ZNF684: variants seen among roughly 807,000 people sequenced by gnomAD.
ZNF684 encodes the protein zinc finger protein 684.
ZNF684 carries 13 observed loss-of-function variants against 12.8 expected under a neutral mutation model. The ratio of observed to expected loss-of-function variants is 1.02; its 90% CI spans 0.66 to 1.62. ZNF684 has a LOEUF of 1.62. ZNF684 is among the 40% of genes most tolerant of loss of function. ZNF684 has a pLI of 0.00. For missense variants in ZNF684, 384 were observed against 446.9 expected (o/e 0.86, Z 1.27); for synonymous variants, 118 against 151.8 (o/e 0.78, Z 1.64).
At chr1:40,533,823 CTTTT>C (rs574077502) in intron 2 of ZNF684, among the ~76,000 whole-genome samples, 1 of 123,916 alleles carries the variant, frequency 8.1e-6, no homozygotes. Context: ...GTTAGGTATT[CTTTT>C]TTTTTTTTTT....
intron 2 of ZNF684, among the ~76,000 whole-genome samples, chr1:40,538,286 C>G (rs893252530): frequency 6.6e-6 from 1 of 152,168 alleles, no homozygotes; most frequent in Non-Finnish European, 1.5e-5. Context: ...AGGCATGACA[C>G]CTGGCCCCAT....
At chr1:40,541,731 T>A (rs41268073) in intron 4 of ZNF684, 21 bp downstream of exon 4, 270,642 of 1,594,956 alleles carry the variant, frequency 0.17, 24,062 homozygotes, top group Middle Eastern at 0.25. Flanking sequence ...GAAATTCAGA[T>A]GGGGCTGTGT....
In ZNF684 at chr1:40,547,401, T is replaced by A. The variant is rs139813674; in HGVS notation, c.1078T>A (p.Cys360Ser). The A allele has an allele frequency of 3.5e-3, 5,629 of 1,613,034 alleles. 15 individuals are homozygous for A. The highest frequency in any genetic ancestry group is 4.2e-3 in the Non-Finnish European group (4,991 of 1,179,302). Residue 360 changes from cysteine to serine, a missense_variant, in exon 5 of 5, where the codon TGT becomes AGT. Cys to Ser is a moderately radical substitution (Grantham distance 112). Coordinates refer to ENST00000372699, the MANE Select transcript of ZNF684 (RefSeq NM_152373.4). ...AGAGAAGCCCTATGAATGTAACAGA[T>A]GTGGGAAAGCATTTTCCCAGAAGTC... ...TGEKPYECNR[C>S]GKAFSQKSNL...
chr1:40,538,139 A>G (rs55825383), intron 2 of ZNF684, among the ~76,000 whole-genome samples: 1 of 152,024 alleles, frequency 6.6e-6, no homozygotes, highest in East Asian at 1.9e-4. Context: ...CTACAGGTCC[A>G]TGCCACCATA....
At chr1:40,546,402 TTCC>T (rs1231557710) in intron 4 of ZNF684, among the ~76,000 whole-genome samples, 157 bp from the exon 5 acceptor site, 2 of 152,244 alleles carry the variant, frequency 1.3e-5, no homozygotes. Flanking sequence ...TCTGCTCCCA[TTCC>T]CTCTTCAGCA....
chr1:40,546,054 C>T (rs1476102569), intron 4 of ZNF684, among the ~76,000 whole-genome samples: 1 of 151,348 alleles, frequency 6.6e-6, no homozygotes, highest in East Asian at 1.9e-4. Flanking sequence ...TCCTGAGTAG[C>T]TGGGACTACA....
rs1390121566 is a variant in ZNF684 at position 40,546,782 on chromosome 1, T to C, written c.459T>C (p.Tyr153=). ...ACTTACTTAAATATAATAGAAGTTA[T>C]ACTGTAGAAAACGCTTATGAATGCA... ...NLDLLKYNRS[Y]TVENAYECSE... is the part of the protein sequence containing the mutation. The change falls in exon 5 of 5, where the codon TAT becomes TAC. Residue 153 remains tyrosine, a synonymous_variant. Coordinates refer to ENST00000372699, the MANE Select transcript of ZNF684 (RefSeq NM_152373.4). 1.2e-6 allele frequency: 2 copies of C among 1,612,150 alleles called. No homozygotes were observed. Among genetic ancestry groups the C allele is most frequent in the East Asian group, 2.2e-5 (1 of 44,870 alleles).
chr1:40,533,187 G>A lies in ZNF684; in HGVS notation c.15+6G>A, dbSNP rs918810891. ...AGAAAATGATCAGCTTCCAGGTAAG[G>A]TATCCATCTATTCATCCAGTTGTTT... On this transcript the variant is annotated splice_donor_region_variant and intron_variant, in intron 2 of 4. Transcript: ENST00000372699. 2 of 1,613,166 alleles carry A rather than the reference G, an allele frequency of 1.2e-6. No homozygotes were observed. Among genetic ancestry groups the A allele is most frequent in the African/African-American group, 2.7e-5 (2 of 74,876 alleles).
Position 40,547,520 on chromosome 1 carries a change from T to C in ZNF684, c.*60T>C. ...ATATTTGCTAAATCTTATTAAATAC[T>C]AAAGAATTCATGGTGAGAAGTCTAC... is the stretch of plus-strand genomic sequence containing the variant. On this transcript the variant is annotated 3_prime_UTR_variant, in exon 5 of 5. Transcript: ENST00000372699. 7.2e-7 allele frequency: 1 copy of C among 1,397,046 alleles called. No individual in the cohort carries two copies. Among genetic ancestry groups the C allele is most frequent in the Admixed American group, 2.6e-5 (1 of 38,586 alleles). The allele number at this position is 1,397,046 out of a possible 1,614,324, so 86.5% of individuals were successfully genotyped here.
chr1:40,535,229 C>A (rs918091808), intron 2 of ZNF684, among the ~76,000 whole-genome samples: 1 of 152,180 alleles, frequency 6.6e-6, no homozygotes, highest in Admixed American at 6.6e-5. Context: ...CCTGTGGTAT[C>A]CATGGGAGAC....
In ZNF684 at chr1:40,537,961, A is replaced by G. The variant is rs139031309; in HGVS notation, c.16-2625A>G. Reference sequence around the variant, plus strand: ...CTTCTGAACATTTCATACAAATGGAACCATGAAATATGTAATCTTTCATGA... The same window carrying G: ...CTTCTGAACATTTCATACAAATGGAGCCATGAAATATGTAATCTTTCATGA... On this transcript the variant is annotated intron_variant, in intron 2 of 4. Coordinates refer to ENST00000372699, the MANE Select transcript of ZNF684 (RefSeq NM_152373.4). Among the ~76,000 whole-genome samples the G allele has an allele frequency of 2.4e-3, 366 of 152,260 alleles. 2 individuals carry two copies. Among genetic ancestry groups the G allele is most frequent in the African/African-American group, 8.2e-3 (341 of 41,552 alleles).
rs764458582 is a variant in ZNF684, at chr1:40,547,489, T to C, written c.*29T>C. ...TCACTTTATGAATATGAGAAGGCCT[T>C]ATTAAATATTTGCTAAATCTTATTA... On this transcript the variant is annotated 3_prime_UTR_variant, in exon 5 of 5. Transcript: ENST00000372699. 18 of 1,528,788 alleles carry C rather than the reference T, an allele frequency of 1.2e-5. No individual in the cohort carries two copies. Among genetic ancestry groups the C allele is most frequent in the Non-Finnish European group, 1.4e-5 (16 of 1,137,406 alleles). 94.7% of individuals were successfully genotyped at this position (1,528,788 alleles called of 1,614,324 possible).
Position 40,531,803 on chromosome 1 carries a change from A to C in ZNF684, c.-25+16A>C, listed in dbSNP as rs945434017. 3.3e-5 allele frequency: 5 copies of C among 152,168 alleles called. No homozygotes were observed. The highest frequency in any genetic ancestry group is 1.2e-4 in the African/African-American group (5 of 41,398). 9.4% of individuals were successfully genotyped at this position (152,168 alleles called of 1,614,324 possible). A position where few individuals can be genotyped will look rare whatever the true frequency, so the allele number is the denominator to read the frequency against. On this transcript the variant is annotated intron_variant, in intron 1 of 4. Transcript: ENST00000372699. ...AGGGTGGCAGGTATGGCTTTGCTGGACTCGGAGGACGTAAGAGAAAGGCGG... is the reference window on the plus strand; with the variant it reads ...AGGGTGGCAGGTATGGCTTTGCTGGCCTCGGAGGACGTAAGAGAAAGGCGG...
chr1:40,540,175 G>A (rs1646006724), intron 2 of ZNF684, among the ~76,000 whole-genome samples: 1 of 151,978 alleles, frequency 6.6e-6, no homozygotes, highest in African/African-American at 2.4e-5. Flanking sequence ...ACAAATCACT[G>A]CCTAATCCAA....
chr1:40,540,735 T>TTTCAGTGTAA, intron 3 of ZNF684, 23 bp downstream of exon 3: 1 of 1,574,926 alleles, frequency 6.3e-7, no homozygotes, highest in African/African-American at 1.4e-5. Flanking sequence ...AGTGGTAACT[T>TTTCAGTGTAA]TTCAGTGTAA....
intron 4 of ZNF684, chr1:40,544,411 G>A (rs761993133): frequency 5.7e-5 from 24 of 421,324 alleles, no homozygotes; most frequent in African/African-American, 8.4e-5. Flanking sequence ...TCGCTCTGTC[G>A]CCAGGCTGGA....
rs756405967 is a variant in ZNF684, at chr1:40,533,183, T to A, written c.15+2T>A. ...CTGCAGAAAATGATCAGCTTCCAGG[T>A]AAGGTATCCATCTATTCATCCAGTT... On this transcript the variant is annotated splice_donor_variant, in intron 2 of 4. Coordinates refer to ENST00000372699, the MANE Select transcript of ZNF684 (RefSeq NM_152373.4). LOFTEE classifies it high-confidence loss of function. The A allele has an allele frequency of 6.2e-7, 1 of 1,613,468 alleles. No individual in the cohort carries two copies. Among genetic ancestry groups the A allele is most frequent in the African/African-American group, 1.3e-5 (1 of 74,936 alleles).
chr1:40,533,270 C>A, intron 2 of ZNF684, 89 bp downstream of exon 2: 1 of 1,312,066 alleles, frequency 7.6e-7, no homozygotes, highest in Non-Finnish European at 1.1e-6. Context: ...AAAATGTAAA[C>A]CAAATAAAAG....
At chr1:40,537,466 G>A (rs1283845050) in intron 2 of ZNF684, among the ~76,000 whole-genome samples, 1 of 152,192 alleles carries the variant, frequency 6.6e-6, no homozygotes, top group Non-Finnish European at 1.5e-5. Context: ...TCAGCCAGGT[G>A]CAGTGGCTCA....
Sources: allele counts gnomAD v4.1 joint callset (sites outside exome capture counted in the v4.1 genomes callset), GRCh38; gene constraint gnomAD v4.1.1; transcripts MANE v1.5; gene names NCBI Gene and HGNC (gene_info 2026-07-23, HGNC 2026-07-21).